Variants in NOTCH1 observed in about 807,000 individuals in gnomAD.
The protein encoded by NOTCH1 is notch receptor 1, also known as neurogenic locus notch homolog protein 1.
In NOTCH1, 37 loss-of-function variants were observed where a neutral mutation model predicts 254.8. The observed-to-expected ratio is 0.15, with a 90% confidence interval of 0.11 to 0.19. The LOEUF is 0.19. NOTCH1 is among the 10% of genes least tolerant of loss of function. The pLI is 1.00. For missense variants in NOTCH1, 2,972 were observed against 3,708.6 expected, an observed-to-expected ratio of 0.80 and a Z score of 5.16; for synonymous variants, 1,731 against 1,618.1, an observed-to-expected ratio of 1.07 and a Z score of -1.68.
At position 136,534,460 on chromosome 9, in the gene NOTCH1, A is replaced by C. The variant is rs921120246; in HGVS notation, c.140+9564T>G. Among the ~76,000 whole-genome samples the C allele has an allele frequency of 1.2e-4, 18 of 152,130 alleles. 1 individual carries two copies. Among genetic ancestry groups the C allele is most frequent in the Admixed American group, 8.5e-4 (13 of 15,274 alleles). On this transcript the variant is annotated intron_variant, in intron 2 of 33. Transcript: ENST00000651671. ...TGTCACCAACCTCAGTGCCAGGCGG[A>C]GCAGAAGGAACAACACGACTATTTC...
rs1207169478 is a variant in NOTCH1 at position 136,506,334 on chromosome 9, C to T, written c.4014+193G>A. On this transcript the variant is annotated intron_variant, in intron 24 of 33. Coordinates refer to ENST00000651671, the MANE Select transcript of NOTCH1 (RefSeq NM_017617.5). This position sits in a 1 kb window ranked among gnomAD's most constrained non-coding sequence, Gnocchi z 4.5. Reference sequence around the variant, plus strand: ...GCCACCCCAGGGAGTCTACTTCCTGCTCCATTTTTCTATAAATCTAAAATG... The same window carrying T: ...GCCACCCCAGGGAGTCTACTTCCTGTTCCATTTTTCTATAAATCTAAAATG... 6.6e-6 allele frequency among the ~76,000 whole-genome samples: 1 copy of T among 151,872 alleles called. No individual in the cohort carries two copies. Among genetic ancestry groups the T allele is most frequent in the Non-Finnish European group, 1.5e-5 (1 of 67,968 alleles).
At chr9:136,532,550 A>G (rs1843578519) in intron 2 of NOTCH1, among the ~76,000 whole-genome samples, 1 of 152,096 alleles carries the variant, frequency 6.6e-6, no homozygotes, top group South Asian at 2.1e-4. Context: ...CAGATGACAC[A>G]TCCCCGGGGG....
Position 136,546,000 on chromosome 9 carries a change from G to A in NOTCH1, c.-214C>T, listed in dbSNP as rs1389258633. Among the ~76,000 whole-genome samples, 1 of 124,710 alleles carries A rather than the reference G, an allele frequency of 8.0e-6. No homozygotes were observed. Among genetic ancestry groups the A allele is most frequent in the Non-Finnish European group, 1.6e-5 (1 of 61,656 alleles). The allele number at this position is 124,710 out of a possible 152,430, so 81.8% of individuals were successfully genotyped here. A position where few individuals can be genotyped will look rare whatever the true frequency, so the allele number is the denominator to read the frequency against. ...TCGCTGCGCTCGCGCCCGCGCCCGC[G>A]CCCCGCGCCCCGCGCCCTTGCGCTC... On this transcript the variant is annotated 5_prime_UTR_variant, in exon 1 of 34. Transcript: ENST00000651671. The surrounding 1 kb of genome is among the most constrained non-coding windows in gnomAD (Gnocchi z 6.8).
chr9:136,531,362 G>A (rs1183058110), intron 2 of NOTCH1, among the ~76,000 whole-genome samples: 5 of 152,322 alleles, frequency 3.3e-5, no homozygotes, highest in Non-Finnish European at 5.9e-5. Flanking sequence ...GGACCAGAGC[G>A]GGGCAGGGCA....
Position 136,505,094 on chromosome 9 carries a change from C to A in NOTCH1, c.4597G>T (p.Asp1533Tyr), listed in dbSNP as rs764136623. The part of the protein sequence containing the change: ...RAEGQCNPLY[D>Y]QYCKDHFSDG... ...CTGAAGTGGTCCTTGCAGTACTGGT[C>A]GTACAGGGGGCTGTGGGGGGCGGGA... The change falls in exon 26 of 34, where the codon GAC (aspartate) becomes TAC (tyrosine). Residue 1533 changes from aspartate to tyrosine, a missense_variant. Around this residue, in one of 8 missense-constraint regions of NOTCH1, gnomAD observed 1,343 missense variants for 1,557.0 expected, o/e 0.86. Transcript: ENST00000651671. The A allele has an allele frequency of 2.5e-6, 4 of 1,609,330 alleles. No homozygotes were observed. Among genetic ancestry groups the A allele is most frequent in the Admixed American group, 3.3e-5 (2 of 59,950 alleles).
At chr9:136,502,888 T>C (rs1446867862) in intron 27 of NOTCH1, 2 of 626,608 alleles carry the variant, frequency 3.2e-6, no homozygotes, top group East Asian at 3.0e-5. Context: ...AAAGCCGTAA[T>C]GATTTTGAAA....
intron 2 of NOTCH1, among the ~76,000 whole-genome samples, chr9:136,538,263 C>T (rs920491148): frequency 3.3e-5 from 5 of 152,238 alleles, no homozygotes; most frequent in African/African-American, 1.2e-4. Context: ...TTCCCTCCAC[C>T]CTCCCACCCC....
chr9:136,534,725 G>A (rs978206205), intron 2 of NOTCH1, among the ~76,000 whole-genome samples: 2 of 152,016 alleles, frequency 1.3e-5, no homozygotes, highest in Non-Finnish European at 2.9e-5. Context: ...CTGTGATTGC[G>A]AGGACCCCGA....
In NOTCH1 at chr9:136,509,794, T is replaced by A. The variant is rs201053795; in HGVS notation, c.2908A>T (p.Thr970Ser). ...CTDCVDSYTC[T>S]CPAGFSGIHC... is the part of the protein sequence containing the mutation. ...ATCCCGCTGAAGCCTGCGGGGCAGG[T>A]GCACGTGTAGCTGTCCACGCAGTCC... Residue 970 changes from threonine (T) to serine (S), a missense_variant, in exon 18 of 34, where the codon ACC (threonine) becomes TCC (serine). This residue lies in a region of NOTCH1 where 1,343 missense variants were observed against 1,557.0 expected (regional missense o/e 0.86). Coordinates refer to ENST00000651671, the MANE Select transcript of NOTCH1 (RefSeq NM_017617.5). The A allele has an allele frequency of 6.2e-7, 1 of 1,613,088 alleles. No homozygotes were observed. Among genetic ancestry groups the A allele is most frequent in the South Asian group, 1.1e-5 (1 of 91,090 alleles).
At chr9:136,509,550 G>A (rs910224475) in intron 18 of NOTCH1, among the ~76,000 whole-genome samples, 183 bp downstream of exon 18, 3 of 152,224 alleles carry the variant, frequency 2.0e-5, no homozygotes, top group Admixed American at 6.5e-5. Context: ...CACAGGAGGA[G>A]GTCACAATGG....
In NOTCH1 at chr9:136,508,912, G is replaced by A. The variant is rs752650941; in HGVS notation, c.3129C>T (p.Tyr1043=). 18 of 1,548,802 alleles carry A rather than the reference G, an allele frequency of 1.2e-5. No individual in the cohort carries two copies. The highest frequency in any genetic ancestry group is 1.6e-5 in the Non-Finnish European group (18 of 1,147,010). ...TGTAGCCCTGGGGGCAGGTGCACCT[G>A]TAGGAGCCGCAGCCGTCCTGACAGG... ...GGTCQDGCGS[Y]RCTCPQGYTG... The change falls in exon 19 of 34, where the codon TAC becomes TAT. Residue 1043 remains tyrosine (Y), a synonymous_variant. Coordinates refer to ENST00000651671, the MANE Select transcript of NOTCH1 (RefSeq NM_017617.5).
intron 26 of NOTCH1, among the ~76,000 whole-genome samples, chr9:136,504,056 G>A (rs1843039461): frequency 1.3e-5 from 2 of 151,934 alleles, no homozygotes; most frequent in Admixed American, 6.5e-5. Context: ...GCCCAGCAAT[G>A]CCCCCTCCCA....
Position 136,509,024 on chromosome 9 carries a change from G to A in NOTCH1, c.3017C>T (p.Thr1006Ile), listed in dbSNP as rs367860186. 4.5e-6 allele frequency: 7 copies of A among 1,563,496 alleles called. No individual in the cohort carries two copies. The African/African-American group carries it at 9.5e-5, about 21-fold the overall frequency. Reference protein sequence around the residue: ...GTCVDGINSFTCLCPPGFTGS... With the variant: ...GTCVDGINSFICLCPPGFTGS... ...CGTGAAGCCGGGTGGACACAGGCAG[G>A]TGAACGAGTTGATGCCGTCCACGCA... The change falls in exon 19 of 34, where the codon ACC (threonine) becomes ATC (isoleucine). Residue 1006 changes from threonine to isoleucine, a missense_variant. Physicochemically the swap from Thr to Ile is moderately conservative, Grantham distance 89. This residue lies in a region of NOTCH1 where 1,343 missense variants were observed against 1,557.0 expected (regional missense o/e 0.86). Transcript: ENST00000651671.
intron 6 of NOTCH1, 113 bp downstream of exon 6, chr9:136,518,478 G>T: frequency 1.7e-6 from 2 of 1,145,536 alleles, no homozygotes; most frequent in Non-Finnish European, 2.5e-6. Flanking sequence ...GACCAGAAAG[G>T]CCCTTTCAGG....
At chr9:136,512,917 CTGGCCCCA>C in intron 15 of NOTCH1, 96 bp downstream of exon 15, 6 of 417,912 alleles carry the variant, frequency 1.4e-5, no homozygotes, top group Admixed American at 8.3e-5. Context: ...GCCCCCACCC[CTGGCCCCA>C]CCCTCTCCAG....
intron 1 of NOTCH1, among the ~76,000 whole-genome samples, chr9:136,544,649 G>A (rs560987197): frequency 1.3e-5 from 2 of 152,116 alleles, no homozygotes; most frequent in South Asian, 2.1e-4. Flanking sequence ...CAAAGCGCCG[G>A]CCTCCGCCTC....
At chr9:136,504,009 A>AC (rs199784331) in intron 26 of NOTCH1, among the ~76,000 whole-genome samples, 2,843 of 151,046 alleles carry the variant, frequency 0.019, 92 homozygotes, top group African/African-American at 0.066. Context: ...CCACCGTGGG[A>AC]CCCCCCACCC....
At chr9:136,501,951 C>T (rs1843003389) in intron 29 of NOTCH1, 38 bp from the exon 30 acceptor site, 1 of 1,611,546 alleles carries the variant, frequency 6.2e-7, no homozygotes, top group African/African-American at 1.3e-5. Flanking sequence ...TCAGGGCAGC[C>T]CGGCAGCAGG....
chr9:136,528,824 A>G (rs1043330393), intron 2 of NOTCH1, among the ~76,000 whole-genome samples: 5 of 152,074 alleles, frequency 3.3e-5, no homozygotes, highest in African/African-American at 7.2e-5. Flanking sequence ...GGTCCCTCAC[A>G]GGGCAATAAA....
Sources: allele counts gnomAD v4.1 joint callset (sites outside exome capture counted in the v4.1 genomes callset), GRCh38; gene constraint gnomAD v4.1.1; regional missense constraint gnomAD v4.1.1; non-coding constraint Gnocchi (gnomAD v3.1); transcripts MANE v1.5; gene names NCBI Gene and HGNC (gene_info 2026-07-23, HGNC 2026-07-21).